The following CUL9 variants were observed in gnomAD, a reference collection of about 807,000 sequenced individuals.
CUL9 encodes the protein cullin-9.
CUL9 carries 79 observed loss-of-function variants against 272.6 expected under a neutral mutation model. The observed-to-expected ratio is 0.29, with a 90% CI of 0.24 to 0.35. The LOEUF (loss-of-function observed/expected upper bound fraction) is 0.35. CUL9 is among the 10% of genes least tolerant of loss of function. The pLI is 1.00. For synonymous variants in CUL9, 1,186 were observed against 1,286.5 expected (o/e 0.92, Z 1.67); for missense variants, 2,532 against 3,255.6 (o/e 0.78, Z 5.41).
At position 43,199,711 on chromosome 6, in the gene CUL9, C is replaced by T. The variant is rs1048418081; in HGVS notation, c.3157-218C>T. On this transcript the variant is annotated intron_variant, in intron 13 of 40. Coordinates refer to ENST00000252050, the MANE Select transcript of CUL9 (RefSeq NM_015089.4). The surrounding 1 kb of genome is among the most constrained non-coding windows in gnomAD (Gnocchi z 4.4). ...TAGCTTGGCCTGGGCAGGAAGCAGC[C>T]TGGAAAGCTGTGCCCAAGCTCTGTT... Among the ~76,000 whole-genome samples, 1 of 152,166 alleles carries T rather than the reference C, an allele frequency of 6.6e-6. No homozygotes were observed. The highest frequency in any genetic ancestry group is 2.4e-5 in the African/African-American group (1 of 41,440).
Position 43,216,227 on chromosome 6 carries a change from A to G in CUL9, c.6006A>G (p.Val2002=). Residue 2002 remains valine, a synonymous_variant, in exon 31 of 41, where the codon GTA becomes GTG. Coordinates refer to ENST00000252050, the MANE Select transcript of CUL9 (RefSeq NM_015089.4). ...GCCGCACCATGAGCCCCCAGGAAGT[A>G]GAAGGGTTGATGAAGCAGACGGTGC... ...PAGRTMSPQE[V]EGLMKQTVRQ... 6.2e-7 allele frequency: 1 copy of G among 1,613,808 alleles called. No individual in the cohort carries two copies. The highest frequency in any genetic ancestry group is 8.5e-7 in the Non-Finnish European group (1 of 1,179,744).
intron 26 of CUL9, among the ~76,000 whole-genome samples, chr6:43,211,829 A>G (rs1365706693): frequency 6.6e-6 from 1 of 152,152 alleles, no homozygotes; most frequent in African/African-American, 2.4e-5. Context: ...TACAGTTATC[A>G]AGTATTTAGA....
chr6:43,217,552 C>T (rs1776029140), intron 31 of CUL9, among the ~76,000 whole-genome samples: 1 of 152,212 alleles, frequency 6.6e-6, no homozygotes, highest in African/African-American at 2.4e-5. Flanking sequence ...AGGAGGGGCA[C>T]TCCTGGTTGC....
At position 43,184,028 on chromosome 6, in the gene CUL9, G is replaced by A. The variant is rs1772693735; in HGVS notation, c.-9-274G>A. On this transcript the variant is annotated intron_variant, in intron 1 of 40. Coordinates refer to ENST00000252050, the MANE Select transcript of CUL9 (RefSeq NM_015089.4). This position sits in a 1 kb window ranked among gnomAD's most constrained non-coding sequence, Gnocchi z 4.8. The stretch of plus-strand genomic sequence containing the variant: ...GGCCTCCTAAAGTGCTGGGATTACA[G>A]GCGTGAGCCACTGGGCGCAGCCAAC... Among the ~76,000 whole-genome samples the A allele has an allele frequency of 6.6e-6, 1 of 152,144 alleles. No individual in the cohort carries two copies. Among genetic ancestry groups the A allele is most frequent in the Non-Finnish European group, 1.5e-5 (1 of 68,038 alleles).
At chr6:43,208,766 C>A (rs183010865) in intron 26 of CUL9, among the ~76,000 whole-genome samples, 1 of 152,168 alleles carries the variant, frequency 6.6e-6, no homozygotes, top group East Asian at 1.9e-4. Context: ...CTTTTGCATA[C>A]CTTTTTTTAA....
At chr6:43,216,562 C>G in intron 31 of CUL9, 59 bp downstream of exon 31, 4 of 1,473,072 alleles carry the variant, frequency 2.7e-6, no homozygotes, top group Non-Finnish European at 2.7e-6. Flanking sequence ...TAACAAAATT[C>G]CTTGGGAATT....
chr6:43,203,535 A>G lies in CUL9; in HGVS notation c.3968A>G (p.Gln1323Arg), dbSNP rs1774801285. The G allele has an allele frequency of 1.2e-6, 2 of 1,613,996 alleles. No individual in the cohort carries two copies. Among genetic ancestry groups the G allele is most frequent in the South Asian group, 1.1e-5 (1 of 91,088 alleles). Residue 1323 changes from glutamine (Q) to arginine (R), a missense_variant, in exon 19 of 41, where the codon CAA becomes CGA. This residue lies in a region of CUL9 where 2,218 missense variants were observed against 2,788.6 expected (regional missense o/e 0.80). Transcript: ENST00000252050. This position sits in a 1 kb window ranked among gnomAD's most constrained non-coding sequence, Gnocchi z 5.0. Reference sequence around the variant, plus strand: ...TGTCTCTTCTACACAATTCGGGCACAAGCCTGGAGCCGGGACATAGCAGAG... The same window carrying G: ...TGTCTCTTCTACACAATTCGGGCACGAGCCTGGAGCCGGGACATAGCAGAG... ...RTCLFYTIRA[Q>R]AWSRDIAEDH...
intron 26 of CUL9, among the ~76,000 whole-genome samples, chr6:43,209,301 A>C (rs1775288867): frequency 6.6e-6 from 1 of 151,752 alleles, no homozygotes; most frequent in African/African-American, 2.4e-5. Context: ...ACCTGCCACC[A>C]CGCCTGGCTA....
At position 43,213,306 on chromosome 6, in the gene CUL9, C is replaced by G. The variant is rs565524904; in HGVS notation, c.5358+12C>G. On this transcript the variant is annotated intron_variant, in intron 27 of 40. Transcript: ENST00000252050. This position sits in a 1 kb window ranked among gnomAD's most constrained non-coding sequence, Gnocchi z 5.7. ...TCAATCAGACAGAGGTGCTTCAGCC[C>G]TTAGCCTCTCTCTGCCTTCTCTGCT... The G allele has an allele frequency of 2.4e-5, 39 of 1,613,682 alleles. No individual in the cohort carries two copies. In the East Asian group the frequency reaches 8.2e-4, roughly 34 times the overall value.
rs557413964 is a variant in CUL9, at chr6:43,185,642, A to T, written c.750+32A>T. 36 of 1,599,258 alleles carry T rather than the reference A, an allele frequency of 2.3e-5. No individual in the cohort carries two copies. In the South Asian group the frequency reaches 4.0e-4, roughly 18 times the overall value. ...TGCCAGCTGTAGGGAAATGCTGTGTACAAGGGCTAAGACATTATTTATGAA... is the reference window on the plus strand; with the variant it reads ...TGCCAGCTGTAGGGAAATGCTGTGTTCAAGGGCTAAGACATTATTTATGAA... On this transcript the variant is annotated intron_variant, in intron 3 of 40. Coordinates refer to ENST00000252050, the MANE Select transcript of CUL9 (RefSeq NM_015089.4).
At chr6:43,185,752 C>T in intron 3 of CUL9, 142 bp downstream of exon 3, 1 of 1,189,164 alleles carries the variant, frequency 8.4e-7, no homozygotes. Flanking sequence ...CCCAGCCCCT[C>T]TCCATTCAGA....
chr6:43,204,449 T>C lies in CUL9; in HGVS notation c.4249T>C (p.Ser1417Pro). Reference protein sequence around the residue: ...TSRNPLSRAASFASRVRRLCH... With the variant: ...TSRNPLSRAAPFASRVRRLCH... ...TCGGAACCCCTTGAGTCGAGCAGCG[T>C]CCTTTGCTTCTCGAGTTCGTCGCCT... The change falls in exon 21 of 41, where the codon TCC becomes CCC. Residue 1417 changes from serine (S) to proline (P), a missense_variant. By Grantham distance (74) the Ser-to-Pro change is moderately conservative. Around this residue, in one of 3 missense-constraint regions of CUL9, gnomAD observed 2,218 missense variants for 2,788.6 expected, o/e 0.80. Coordinates refer to ENST00000252050, the MANE Select transcript of CUL9 (RefSeq NM_015089.4). 3 of 1,614,064 alleles carry C rather than the reference T, an allele frequency of 1.9e-6. No individual in the cohort carries two copies. Among genetic ancestry groups the C allele is most frequent in the Non-Finnish European group, 2.5e-6 (3 of 1,180,004 alleles).
chr6:43,199,158 A>G lies in CUL9; in HGVS notation c.3051-108A>G. The G allele has an allele frequency of 1.1e-6, 1 of 937,660 alleles. No homozygotes were observed. The highest frequency in any genetic ancestry group is 1.7e-6 in the Non-Finnish European group (1 of 591,302). 58.1% of individuals were successfully genotyped at this position (937,660 alleles called of 1,614,324 possible). ...TCCATTTTGGTCAGGCTGGTCTCGA[A>G]CTCCCGACCTCAGGTGATCCGCCCA... On this transcript the variant is annotated intron_variant, in intron 12 of 40. Coordinates refer to ENST00000252050, the MANE Select transcript of CUL9 (RefSeq NM_015089.4). The surrounding 1 kb of genome is among the most constrained non-coding windows in gnomAD (Gnocchi z 4.4).
At chr6:43,209,968 T>C (rs1029104508) in intron 26 of CUL9, among the ~76,000 whole-genome samples, 1 of 151,838 alleles carries the variant, frequency 6.6e-6, no homozygotes, top group Non-Finnish European at 1.5e-5. Context: ...TTTATTTTAT[T>C]TTGTTTTTAT....
rs1200006447 is a variant in CUL9 at position 43,187,070 on chromosome 6, G to T, written c.1362G>T (p.Gly454=). 2 of 1,614,102 alleles carry T rather than the reference G, an allele frequency of 1.2e-6. No individual in the cohort carries two copies. The highest frequency in any genetic ancestry group is 2.7e-5 in the African/African-American group (2 of 75,050). The change falls in exon 5 of 41, where the codon GGG becomes GGT. Residue 454 remains glycine, a synonymous_variant. Coordinates refer to ENST00000252050, the MANE Select transcript of CUL9 (RefSeq NM_015089.4). The part of the protein sequence containing the change: ...EDKASAAVEK[G]AGATVLGTAF... ...AGGCTTCAGCAGCTGTGGAGAAGGG[G>T]GCAGGGGCTACTGTGTTGGGCACAG...
At position 43,200,973 on chromosome 6, in the gene CUL9, C is replaced by T. The variant is rs1480892907; in HGVS notation, c.3647+139C>T. 1.2e-5 allele frequency: 13 copies of T among 1,055,808 alleles called. No homozygotes were observed. Among genetic ancestry groups the T allele is most frequent in the Admixed American group, 2.1e-5 (1 of 48,486 alleles). The allele number at this position is 1,055,808 out of a possible 1,614,324, so 65.4% of individuals were successfully genotyped here. A position where few individuals can be genotyped will look rare whatever the true frequency, so the allele number is the denominator to read the frequency against. On this transcript the variant is annotated intron_variant, in intron 16 of 40. Transcript: ENST00000252050. This position sits in a 1 kb window ranked among gnomAD's most constrained non-coding sequence, Gnocchi z 4.0. ...ATTTTGTGCAGTGAACACATAGACA[C>T]ATTGACCTGCCTTTGCTGAGTATAG... is the stretch of plus-strand genomic sequence containing the variant.
At position 43,203,718 on chromosome 6, in the gene CUL9, G is replaced by A; in HGVS notation, c.4025+126G>A. 6.6e-7 allele frequency: 1 copy of A among 1,506,954 alleles called. No individual in the cohort carries two copies. The highest frequency in any genetic ancestry group is 9.0e-7 in the Non-Finnish European group (1 of 1,116,474). 93.3% of individuals were successfully genotyped at this position (1,506,954 alleles called of 1,614,324 possible). On this transcript the variant is annotated intron_variant, in intron 19 of 40. Transcript: ENST00000252050. This position sits in a 1 kb window ranked among gnomAD's most constrained non-coding sequence, Gnocchi z 5.0. Reference sequence around the variant, plus strand: ...GGACATGAGGGGGAAGGTGAACGTAGGTGAGAAGTTTGTGTTAATTGGGAA... The same window carrying A: ...GGACATGAGGGGGAAGGTGAACGTAAGTGAGAAGTTTGTGTTAATTGGGAA...
chr6:43,188,384 C>T (rs1773117538), intron 7 of CUL9, 139 bp from the exon 8 acceptor site: 1 of 899,380 alleles, frequency 1.1e-6, no homozygotes, highest in Non-Finnish European at 1.6e-6. Context: ...ATCCCTGACA[C>T]AGAATTGGAA....
In CUL9 at chr6:43,200,686, G is replaced by A. The variant is rs1774447246; in HGVS notation, c.3499G>A (p.Asp1167Asn). 1.2e-6 allele frequency: 2 copies of A among 1,614,078 alleles called. No individual in the cohort carries two copies. Among genetic ancestry groups the A allele is most frequent in the African/African-American group, 1.3e-5 (1 of 74,928 alleles). The change falls in exon 16 of 41, where the codon GAC becomes AAC. Residue 1167 changes from aspartate to asparagine, a missense_variant. Around this residue, in one of 3 missense-constraint regions of CUL9, gnomAD observed 2,218 missense variants for 2,788.6 expected, o/e 0.80. Coordinates refer to ENST00000252050, the MANE Select transcript of CUL9 (RefSeq NM_015089.4). The surrounding 1 kb of genome is among the most constrained non-coding windows in gnomAD (Gnocchi z 4.0). ...AGGCTCCAGTGTGGAAGTGAAGGAG[G>A]ACAAGTGCTGGGAGAAGGTGGAGGT... ...CQGSSVEVKE[D>N]KCWEKVEVSS...
Sources: allele counts gnomAD v4.1 joint callset (sites outside exome capture counted in the v4.1 genomes callset), GRCh38; gene constraint gnomAD v4.1.1; regional missense constraint gnomAD v4.1.1; non-coding constraint Gnocchi (gnomAD v3.1); transcripts MANE v1.5; gene names NCBI Gene and HGNC (gene_info 2026-07-23, HGNC 2026-07-21).